PCDH9: variants seen among roughly 807,000 people sequenced by gnomAD.
PCDH9 encodes protocadherin-9.
A neutral mutation model predicts 70.6 loss-of-function variants in PCDH9; 24 were observed. That is an observed-to-expected ratio of 0.34 (90% CI 0.25 to 0.48). The LOEUF (loss-of-function observed/expected upper bound fraction) is 0.48. Among genes scored for constraint, PCDH9 ranks in the 20% least tolerant of loss-of-function variants. PCDH9 has a pLI of 0.99. For missense variants in PCDH9, 1,281 were observed against 1,503.6 expected (o/e 0.85, Z 2.45); for synonymous variants, 562 against 558.5 (o/e 1.01, Z -0.09).
At chr13:66,453,159 G>A (rs913647382) in intron 4 of PCDH9, among the ~76,000 whole-genome samples, 3 of 152,160 alleles carry the variant, frequency 2.0e-5, no homozygotes, top group African/African-American at 7.2e-5. Flanking sequence ...GTATGTTACA[G>A]GTAAGACAGG....
chr13:66,556,800 C>A (rs1961759397), intron 4 of PCDH9, among the ~76,000 whole-genome samples: 1 of 152,102 alleles, frequency 6.6e-6, no homozygotes, highest in Admixed American at 6.5e-5. Flanking sequence ...AACAATTCCA[C>A]AACCCCTCTT....
At chr13:66,399,162 T>C (rs1217950031) in intron 4 of PCDH9, among the ~76,000 whole-genome samples, 2 of 152,186 alleles carry the variant, frequency 1.3e-5, no homozygotes, top group Non-Finnish European at 2.9e-5. Context: ...TGAGAATGTA[T>C]ATGAAATCTC....
At chr13:67,077,581 G>C (rs905499161) in intron 2 of PCDH9, among the ~76,000 whole-genome samples, 1 of 152,040 alleles carries the variant, frequency 6.6e-6, no homozygotes, top group Non-Finnish European at 1.5e-5. Flanking sequence ...GTTTAGAATA[G>C]TATCTGGCAC....
At position 67,047,309 on chromosome 13, in the gene PCDH9, C is replaced by A. The variant is rs1184296606; in HGVS notation, c.3037-143704G>T. On this transcript the variant is annotated intron_variant, in intron 2 of 4. Coordinates refer to ENST00000377865, the MANE Select transcript of PCDH9 (RefSeq NM_203487.3). ...ATTCTTTTCCCTCCTTGAACCCCAC[C>A]CAAATAAAAAGAAAACAGTTTTAAA... is the stretch of plus-strand genomic sequence containing the variant. 2.6e-5 allele frequency among the ~76,000 whole-genome samples: 4 copies of A among 152,070 alleles called. No homozygotes were observed. In the East Asian group the frequency reaches 7.7e-4, roughly 29 times the overall value.
intron 2 of PCDH9, among the ~76,000 whole-genome samples, chr13:67,006,371 A>C (rs1372722152): frequency 1.3e-5 from 2 of 152,236 alleles, no homozygotes; most frequent in Non-Finnish European, 2.9e-5. Context: ...TAGAAATGGA[A>C]GAGGCTTCTG....
Position 66,705,325 on chromosome 13 carries a change from A to G in PCDH9, c.3139-73914T>C, listed in dbSNP as rs111298188. 8.0e-4 allele frequency among the ~76,000 whole-genome samples: 122 copies of G among 152,330 alleles called. 1 individual carries two copies. Among genetic ancestry groups the G allele is most frequent in the African/African-American group, 2.8e-3 (118 of 41,588 alleles). On this transcript the variant is annotated intron_variant, in intron 3 of 4. Transcript: ENST00000377865. Reference sequence around the variant, plus strand: ...TATTGTCATAATGTTTATAGGTGACATGGGAAAGATTTGTCTTTATGCTGG... The same window carrying G: ...TATTGTCATAATGTTTATAGGTGACGTGGGAAAGATTTGTCTTTATGCTGG...
chr13:66,454,098 A>G (rs1032424945), intron 4 of PCDH9, among the ~76,000 whole-genome samples: 57 of 152,184 alleles, frequency 3.7e-4, no homozygotes, highest in African/African-American at 1.3e-3. Context: ...TGTCCAAACC[A>G]AAATGTATGC....
At chr13:67,046,840 G>A (rs567013010) in intron 2 of PCDH9, among the ~76,000 whole-genome samples, 22 of 152,114 alleles carry the variant, frequency 1.4e-4, no homozygotes, top group Admixed American at 1.3e-3. Flanking sequence ...ACAAACAACT[G>A]AGAAGGGTAC....
chr13:67,067,041 A>T (rs1010726857), intron 2 of PCDH9, among the ~76,000 whole-genome samples: 1 of 152,114 alleles, frequency 6.6e-6, no homozygotes, highest in African/African-American at 2.4e-5. Context: ...TAGGGCCTGG[A>T]AACAACCTAG....
In PCDH9 at chr13:66,601,361, A is replaced by C. The variant is rs921971043; in HGVS notation, c.3340+29849T>G. On this transcript the variant is annotated intron_variant, in intron 4 of 4. Coordinates refer to ENST00000377865, the MANE Select transcript of PCDH9 (RefSeq NM_203487.3). ...AATACAAACACACACACCCCTCTGGATAATTTTTGCTAGAGAATTACATTG... is the reference window on the plus strand; with the variant it reads ...AATACAAACACACACACCCCTCTGGCTAATTTTTGCTAGAGAATTACATTG... Among the ~76,000 whole-genome samples the C allele has an allele frequency of 2.7e-5, 4 of 146,208 alleles. 2 individuals are homozygous for C. The highest frequency in any genetic ancestry group is 4.9e-5 in the African/African-American group (2 of 40,590).
At chr13:66,980,078 C>CTCTATCTATCTATCTATCTATCTA (rs34374674) in intron 2 of PCDH9, among the ~76,000 whole-genome samples, 1 of 147,018 alleles carries the variant, frequency 6.8e-6, no homozygotes, top group African/African-American at 2.5e-5. Context: ...AATTATCCAT[C>CTCTATCTATCTATCTATCTATCTA]TCTATCTATC....
chr13:66,852,697 G>T (rs1042362140), intron 3 of PCDH9, among the ~76,000 whole-genome samples: 4 of 152,132 alleles, frequency 2.6e-5, no homozygotes, highest in Admixed American at 6.5e-5. Context: ...TGGCATATTT[G>T]TAAGTAAAGT....
intron 2 of PCDH9, among the ~76,000 whole-genome samples, chr13:67,100,666 C>T (rs1326953160): frequency 1.3e-5 from 2 of 152,232 alleles, no homozygotes; most frequent in East Asian, 1.9e-4. Context: ...CATTGCTCTT[C>T]TCTTCCTCAG....
intron 3 of PCDH9, among the ~76,000 whole-genome samples, chr13:66,871,040 A>G (rs1193708092): frequency 1.3e-5 from 2 of 152,152 alleles, no homozygotes; most frequent in Non-Finnish European, 2.9e-5. Context: ...CATATACACC[A>G]TGGAATACTA....
At position 67,228,124 on chromosome 13, in the gene PCDH9, T is replaced by C. The variant is rs144650014; in HGVS notation, c.317A>G (p.Glu106Gly). Residue 106 changes from glutamate to glycine, a missense_variant, in exon 2 of 5, where the codon GAG becomes GGG. This residue lies in a region of PCDH9 where 798 missense variants were observed against 1,003.1 expected (regional missense o/e 0.80). Coordinates refer to ENST00000377865, the MANE Select transcript of PCDH9 (RefSeq NM_203487.3). ...KLCAGASYAEENECFFELEVV... is the reference protein window; with the variant it reads ...KLCAGASYAEGNECFFELEVV... ...CTCAAGTTCAAAGAAACACTCATTCTCCTCAGCATATGAGGCGCCAGCACA... is the reference window on the plus strand; with the variant it reads ...CTCAAGTTCAAAGAAACACTCATTCCCCTCAGCATATGAGGCGCCAGCACA... 1.8e-3 allele frequency: 2,934 copies of C among 1,614,098 alleles called. 27 individuals are homozygous for C. The highest frequency in any genetic ancestry group is 0.017 in the East Asian group (763 of 44,886).
At chr13:66,928,613 G>C (rs1432410178) in intron 2 of PCDH9, among the ~76,000 whole-genome samples, 3 of 152,052 alleles carry the variant, frequency 2.0e-5, no homozygotes, top group Non-Finnish European at 4.4e-5. Context: ...CTATGAATGA[G>C]ATTAGTGCCC....
At position 66,479,640 on chromosome 13, in the gene PCDH9, T is replaced by C. The variant is rs569562032; in HGVS notation, c.3340+151570A>G. Among the ~76,000 whole-genome samples, 17 of 150,898 alleles carry C rather than the reference T, an allele frequency of 1.1e-4. No homozygotes were observed. The East Asian group carries it at 3.1e-3, about 27-fold the overall frequency. Reference sequence around the variant, plus strand: ...CAGCACTCTGTGTCTAGCTAAAGGATTGTAAATGCACCAATCAGCAATCTG... The same window carrying C: ...CAGCACTCTGTGTCTAGCTAAAGGACTGTAAATGCACCAATCAGCAATCTG... On this transcript the variant is annotated intron_variant, in intron 4 of 4. Coordinates refer to ENST00000377865, the MANE Select transcript of PCDH9 (RefSeq NM_203487.3).
Position 66,511,293 on chromosome 13 carries a change from T to G in PCDH9, c.3340+119917A>C, listed in dbSNP as rs1959457344. ...TAAATTTAATTTATTGAATTTATAT[T>G]CACATATACTTGGATTAGAATTCTT... On this transcript the variant is annotated intron_variant, in intron 4 of 4. Coordinates refer to ENST00000377865, the MANE Select transcript of PCDH9 (RefSeq NM_203487.3). Among the ~76,000 whole-genome samples, 4 of 152,192 alleles carry G rather than the reference T, an allele frequency of 2.6e-5. No individual in the cohort carries two copies. The South Asian group carries it at 8.3e-4, about 31-fold the overall frequency.
At chr13:66,459,283 T>C (rs1958375475) in intron 4 of PCDH9, among the ~76,000 whole-genome samples, 2 of 151,950 alleles carry the variant, frequency 1.3e-5, no homozygotes. Context: ...TTTATAGTGT[T>C]GGAAGGTCCA....
Sources: allele counts gnomAD v4.1 joint callset (sites outside exome capture counted in the v4.1 genomes callset), GRCh38; gene constraint gnomAD v4.1.1; regional missense constraint gnomAD v4.1.1; transcripts MANE v1.5; gene names NCBI Gene and HGNC (gene_info 2026-07-23, HGNC 2026-07-21).